Variants in CSMD1 observed in about 807,000 individuals in gnomAD.
CSMD1 encodes the protein CUB and Sushi multiple domains 1.
In CSMD1, 213 loss-of-function variants were observed where a neutral mutation model predicts 417.5. The observed-to-expected ratio is 0.51, with a 90% CI of 0.46 to 0.57. The LOEUF is 0.57. CSMD1 is among the 20% of genes least tolerant of loss of function. The pLI, the probability that CSMD1 is intolerant of heterozygous loss-of-function variation, is 0.00. For missense variants in CSMD1, 6,923 were observed against 4,529.7 expected (o/e 1.53, Z -15.17); for synonymous variants, 2,862 against 1,736.8 (o/e 1.65, Z -16.11).
intron 3 of CSMD1, among the ~76,000 whole-genome samples, chr8:4,382,582 TAA>T (rs1334913158): frequency 1.3e-5 from 2 of 152,242 alleles, no homozygotes; most frequent in African/African-American, 4.8e-5. Flanking sequence ...AAAGGAAAGT[TAA>T]AAGACTTGAG....
At chr8:3,275,335 A>G (rs13271799) in intron 26 of CSMD1, among the ~76,000 whole-genome samples, 9,541 of 151,920 alleles carry the variant, frequency 0.063, 407 homozygotes, top group Non-Finnish European at 0.084. Flanking sequence ...AGGGTAACCC[A>G]ACCTTTCTCT....
chr8:4,968,718 T>G (rs1010495210), intron 1 of CSMD1, among the ~76,000 whole-genome samples: 2 of 152,118 alleles, frequency 1.3e-5, no homozygotes, highest in Admixed American at 6.6e-5. Context: ...TGGCAGCAGA[T>G]AAACGTTTGC....
At chr8:3,176,870 C>T (rs557288819) in intron 37 of CSMD1, among the ~76,000 whole-genome samples, 13 of 151,946 alleles carry the variant, frequency 8.6e-5, no homozygotes, top group African/African-American at 2.7e-4. Flanking sequence ...CCTCGGCCTC[C>T]TGGGCTCAAC....
intron 1 of CSMD1, among the ~76,000 whole-genome samples, chr8:4,967,067 C>G (rs965460752): frequency 5.9e-5 from 9 of 152,022 alleles, no homozygotes; most frequent in African/African-American, 1.9e-4. Context: ...AAGGCTAATT[C>G]AATTAGTCAC....
chr8:3,406,173 C>G lies in CSMD1; in HGVS notation c.2120G>C (p.Arg707Pro). The change falls in exon 15 of 70, where the codon CGA becomes CCA. Residue 707 changes from arginine to proline, a missense_variant. Arg to Pro is a moderately radical substitution (Grantham distance 103). Transcript: ENST00000635120. ...GAGTAGAAACCTGTCACCAAAACGT[C>G]GTCCGTTTATAGGAATGCCAGGATC... ...CHDPGIPING[R>P]RFGDRFLLGS... is the part of the protein sequence containing the mutation. 1 of 1,612,610 alleles carries G rather than the reference C, an allele frequency of 6.2e-7. No homozygotes were observed. Among genetic ancestry groups the G allele is most frequent in the Non-Finnish European group, 8.5e-7 (1 of 1,179,288 alleles).
chr8:4,400,391 T>C (rs774656253), intron 3 of CSMD1, among the ~76,000 whole-genome samples: 1 of 152,254 alleles, frequency 6.6e-6, no homozygotes, highest in Admixed American at 6.5e-5. Context: ...ATCCATCCTG[T>C]GTTTGCCGTT....
chr8:3,074,250 G>A (rs368340389), intron 49 of CSMD1, among the ~76,000 whole-genome samples: 1 of 152,146 alleles, frequency 6.6e-6, no homozygotes, highest in Admixed American at 6.6e-5. Flanking sequence ...GTCTTTCTCA[G>A]GCCTTCAATC....
intron 41 of CSMD1, among the ~76,000 whole-genome samples, chr8:3,125,167 G>C (rs1817427915): frequency 6.6e-6 from 1 of 152,226 alleles, no homozygotes; most frequent in Non-Finnish European, 1.5e-5. Context: ...CTAAAAATAA[G>C]TCATGAAGAT....
chr8:4,496,390 G>A lies in CSMD1; in HGVS notation c.303-76325C>T, dbSNP rs1368606686. ...GAGTCCATCCTGACAGGGGGCTGGA[G>A]AGAGCTGATGAGATTCATGTGCCAT... On this transcript the variant is annotated intron_variant, in intron 2 of 69. Transcript: ENST00000635120. Among the ~76,000 whole-genome samples the A allele has an allele frequency of 9.2e-5, 14 of 152,230 alleles. No homozygotes were observed. In the East Asian group the frequency reaches 2.5e-3, roughly 27 times the overall value.
intron 52 of CSMD1, among the ~76,000 whole-genome samples, chr8:3,004,350 A>G (rs74695296): frequency 0.021 from 3,169 of 152,278 alleles, 99 homozygotes; most frequent in African/African-American, 0.071. Context: ...GACATCATGA[A>G]GCCTGGATTT....
chr8:3,484,345 T>A (rs879717513), intron 11 of CSMD1, among the ~76,000 whole-genome samples: 1 of 152,154 alleles, frequency 6.6e-6, no homozygotes, highest in Non-Finnish European at 1.5e-5. Flanking sequence ...GGCGAGTCCT[T>A]TCAACAAATG....
At chr8:4,617,862 T>G (rs1388567155) in intron 2 of CSMD1, among the ~76,000 whole-genome samples, 1 of 152,182 alleles carries the variant, frequency 6.6e-6, no homozygotes, top group East Asian at 1.9e-4. Context: ...CACTCACCCT[T>G]CTTGCTCTCA....
chr8:3,037,778 T>C (rs1267840409), intron 50 of CSMD1, among the ~76,000 whole-genome samples: 1 of 152,182 alleles, frequency 6.6e-6, no homozygotes, highest in Admixed American at 6.5e-5. Flanking sequence ...AGTTAACTTC[T>C]AGGAAGTAAT....
intron 1 of CSMD1, among the ~76,000 whole-genome samples, chr8:4,662,832 T>C (rs1281333409): frequency 6.6e-6 from 1 of 152,160 alleles, no homozygotes; most frequent in Non-Finnish European, 1.5e-5. Flanking sequence ...CATCAAAACA[T>C]TGTGGCAGGA....
intron 3 of CSMD1, among the ~76,000 whole-genome samples, chr8:4,109,390 C>T (rs542186580): frequency 2.6e-5 from 4 of 152,102 alleles, no homozygotes; most frequent in South Asian, 2.1e-4. Context: ...AATATAGTGA[C>T]CTAGCAAAAA....
At chr8:3,142,404 A>G in intron 41 of CSMD1, 61 bp downstream of exon 41, 2 of 1,365,336 alleles carry the variant, frequency 1.5e-6, no homozygotes, top group South Asian at 1.2e-5. Flanking sequence ...ATACTTAAAT[A>G]CAATTTACAT....
At chr8:3,668,512 C>A (rs966304463) in intron 7 of CSMD1, among the ~76,000 whole-genome samples, 1 of 152,146 alleles carries the variant, frequency 6.6e-6, no homozygotes, top group African/African-American at 2.4e-5. Flanking sequence ...GTTTGTCTGA[C>A]TGGGCATTGT....
intron 3 of CSMD1, among the ~76,000 whole-genome samples, chr8:4,083,949 C>A (rs182106621): frequency 6.6e-6 from 1 of 152,076 alleles, no homozygotes; most frequent in Non-Finnish European, 1.5e-5. Context: ...TCACATCTGA[C>A]AAAGGGCTAA....
chr8:4,492,101 T>A (rs1172337614), intron 2 of CSMD1, among the ~76,000 whole-genome samples: 1 of 152,070 alleles, frequency 6.6e-6, no homozygotes, highest in Non-Finnish European at 1.5e-5. Context: ...ATGGTTTCCT[T>A]ATTATTCTTT....
Sources: allele counts gnomAD v4.1 joint callset (sites outside exome capture counted in the v4.1 genomes callset), GRCh38; gene constraint gnomAD v4.1.1; transcripts MANE v1.5; gene names NCBI Gene and HGNC (gene_info 2026-07-23, HGNC 2026-07-21).